TGFBR3L: variants seen among roughly 807,000 people sequenced by gnomAD.
The protein encoded by TGFBR3L is transforming growth factor-beta receptor type 3-like protein.
In TGFBR3L, 21 loss-of-function variants were observed where a neutral mutation model predicts 20.4. That is an observed-to-expected ratio of 1.03 (90% confidence interval 0.73 to 1.48). The LOEUF is 1.48. Ranked by LOEUF, TGFBR3L falls within the 40% of genes most tolerant of loss-of-function variation. The pLI is 0.00. For missense variants in TGFBR3L, 479 were observed against 498.0 expected (o/e 0.96, Z 0.36); for synonymous variants, 245 against 244.2 (o/e 1.00, Z -0.03).
At chr19:7,918,781 G>A (rs1983441511) in intron 5 of TGFBR3L, 136 bp from the exon 7 acceptor site, 2 of 397,250 alleles carry the variant, frequency 5.0e-6, no homozygotes, top group Non-Finnish European at 8.9e-6. Context: ...ACTAGGCGAG[G>A]AGAACTCAGC....
chr19:7,916,099 C>T lies in TGFBR3L; in HGVS notation c.-169C>T. 1.5e-6 allele frequency: 2 copies of T among 1,343,764 alleles called. No homozygotes were observed. Among genetic ancestry groups the T allele is most frequent in the African/African-American group, 3.0e-5 (2 of 67,512 alleles). 83.2% of individuals were successfully genotyped at this position (1,343,764 alleles called of 1,614,324 possible). A position where few individuals can be genotyped will look rare whatever the true frequency, so the allele number is the denominator to read the frequency against. On this transcript the variant is annotated 5_prime_UTR_variant, in exon 1 of 6. Coordinates refer to ENST00000565886, the MANE Select transcript of TGFBR3L (RefSeq NM_001195259.2). ...ACTTCACCCAGCCGGACCCCACCAT[C>T]GGGTGCTCCTCACCGCTTCTCTTCC...
chr19:7,917,823 C>A lies in TGFBR3L; in HGVS notation c.847C>A (p.Leu283Met). ...GGCAGCCTTCGTGCTGGGCGCCGCGCTGGCCGCCGGGCTGGGTCTCGTCTG... is the reference window on the plus strand; with the variant it reads ...GGCAGCCTTCGTGCTGGGCGCCGCGATGGCCGCCGGGCTGGGTCTCGTCTG... Residue 283 changes from leucine to methionine, a missense_variant, in exon 4 of 6, where the codon CTG becomes ATG. Transcript: ENST00000565886. 1 of 1,391,014 alleles carries A rather than the reference C, an allele frequency of 7.2e-7. No individual in the cohort carries two copies. Among genetic ancestry groups the A allele is most frequent in the East Asian group, 3.0e-5 (1 of 33,248 alleles). 86.2% of individuals were successfully genotyped at this position (1,391,014 alleles called of 1,614,324 possible).
rs954100908 is a variant in TGFBR3L at position 7,915,583 on chromosome 19, T to C, written c.-685T>C. ...GAGTTCCAGACCAGCCTGGGCAACATAGACCCCGTATGGCCGTGGTAGCGA... is the reference window on the plus strand; with the variant it reads ...GAGTTCCAGACCAGCCTGGGCAACACAGACCCCGTATGGCCGTGGTAGCGA... On this transcript the variant is annotated 5_prime_UTR_variant, in exon 1 of 6. Transcript: ENST00000565886. Among the ~76,000 whole-genome samples the C allele has an allele frequency of 7.9e-5, 12 of 152,026 alleles. No individual in the cohort carries two copies. The highest frequency in any genetic ancestry group is 2.1e-4 in the South Asian group (1 of 4,822).
At position 7,919,005 on chromosome 19, in the gene TGFBR3L, C is replaced by T. The variant is rs1340937002; in HGVS notation, c.*94C>T. The T allele has an allele frequency of 2.5e-6, 1 of 398,712 alleles. No individual in the cohort carries two copies. The highest frequency in any genetic ancestry group is 4.4e-6 in the Non-Finnish European group (1 of 226,204). 24.7% of individuals were successfully genotyped at this position (398,712 alleles called of 1,614,324 possible). Reference sequence around the variant, plus strand: ...CAGGACCGGACCCGCCTCCCTGGACCTCGGACCTGATGAGGCCACGACCCC... The same window carrying T: ...CAGGACCGGACCCGCCTCCCTGGACTTCGGACCTGATGAGGCCACGACCCC... On this transcript the variant is annotated 3_prime_UTR_variant, in exon 6 of 6. Coordinates refer to ENST00000565886, the MANE Select transcript of TGFBR3L (RefSeq NM_001195259.2).
rs1983367606 is a variant in TGFBR3L, at chr19:7,917,568, T to C, written c.693T>C (p.Pro231=). 1.7e-5 allele frequency: 25 copies of C among 1,501,922 alleles called. No individual in the cohort carries two copies. Among genetic ancestry groups the C allele is most frequent in the Non-Finnish European group, 2.1e-5 (24 of 1,129,694 alleles). The allele number at this position is 1,501,922 out of a possible 1,614,324, so 93.0% of individuals were successfully genotyped here. ...CCCACCTGCACACGCTGACGCAGCCTATCGTGGTCACCGTGCCGCGGCCGC... is the reference window on the plus strand; with the variant it reads ...CCCACCTGCACACGCTGACGCAGCCCATCGTGGTCACCGTGCCGCGGCCGC... Residue 231 remains proline, a synonymous_variant, in exon 3 of 6, where the codon CCT becomes CCC. Transcript: ENST00000565886.
At position 7,915,548 on chromosome 19, in the gene TGFBR3L, T is replaced by C. The variant is rs1983243919; in HGVS notation, c.-720T>C. ...AGAGAGGCTGAGGTGAGAGGATCGC[T>C]TGAAGCCAGGAGTTCCAGACCAGCC... On this transcript the variant is annotated 5_prime_UTR_variant, in exon 1 of 6. Coordinates refer to ENST00000565886, the MANE Select transcript of TGFBR3L (RefSeq NM_001195259.2). 6.6e-6 allele frequency among the ~76,000 whole-genome samples: 1 copy of C among 152,154 alleles called. No homozygotes were observed. Among genetic ancestry groups the C allele is most frequent in the Non-Finnish European group, 1.5e-5 (1 of 68,020 alleles).
chr19:7,916,387 G>T lies in TGFBR3L; in HGVS notation c.120G>T (p.Pro40=), dbSNP rs994363880. The change falls in exon 1 of 6, where the codon CCG becomes CCT. Residue 40 remains proline (P), a synonymous_variant. Coordinates refer to ENST00000565886, the MANE Select transcript of TGFBR3L (RefSeq NM_001195259.2). ...GCGCGCGTTTTCTCTCCTTTGGGCCGCCCTTCCCCGCCCCGCCAGCTCCCC... is the reference window on the plus strand; with the variant it reads ...GCGCGCGTTTTCTCTCCTTTGGGCCTCCCTTCCCCGCCCCGCCAGCTCCCC... 154 of 1,535,156 alleles carry T rather than the reference G, an allele frequency of 1.0e-4. No homozygotes were observed. Among genetic ancestry groups the T allele is most frequent in the Non-Finnish European group, 1.2e-4 (141 of 1,146,568 alleles).
rs1983245174 is a variant in TGFBR3L at position 7,915,583 on chromosome 19, TA to T, written c.-684del. Among the ~76,000 whole-genome samples, 1 of 152,026 alleles carries T rather than the reference TA, an allele frequency of 6.6e-6. No individual in the cohort carries two copies. Among genetic ancestry groups the T allele is most frequent in the Admixed American group, 6.6e-5 (1 of 15,262 alleles). ...GAGTTCCAGACCAGCCTGGGCAACA[TA>T]GACCCCGTATGGCCGTGGTAGCGAG... On this transcript the variant is annotated 5_prime_UTR_variant, in exon 1 of 6. Coordinates refer to ENST00000565886, the MANE Select transcript of TGFBR3L (RefSeq NM_001195259.2).
At position 7,916,413 on chromosome 19, in the gene TGFBR3L, C is replaced by A; in HGVS notation, c.146C>A (p.Pro49Gln). ...CCCTTCCCCGCCCCGCCAGCTCCCC[C>A]GTTCCCCGCGGCGCCCGGCCCCTGG... The change falls in exon 1 of 6, where the codon CCG becomes CAG. Residue 49 changes from proline to glutamine, a missense_variant. Pro to Gln is a moderately conservative substitution (Grantham distance 76). Coordinates refer to ENST00000565886, the MANE Select transcript of TGFBR3L (RefSeq NM_001195259.2). The A allele has an allele frequency of 6.5e-7, 1 of 1,534,966 alleles. No homozygotes were observed. Among genetic ancestry groups the A allele is most frequent in the Non-Finnish European group, 8.7e-7 (1 of 1,146,408 alleles).
rs1983206846 is a variant in TGFBR3L, at chr19:7,914,933, G to C, written c.-1335G>C. Among the ~76,000 whole-genome samples, 1 of 152,196 alleles carries C rather than the reference G, an allele frequency of 6.6e-6. No homozygotes were observed. Among genetic ancestry groups the C allele is most frequent in the African/African-American group, 2.4e-5 (1 of 41,442 alleles). On this transcript the variant is annotated 5_prime_UTR_variant, in exon 1 of 6. Coordinates refer to ENST00000565886, the MANE Select transcript of TGFBR3L (RefSeq NM_001195259.2). ...CCCAGCGGGCCACCTGGTATGTATG[G>C]GCAGGGAGGTGACGGGTCTGTCATG...
rs1376583753 is a variant in TGFBR3L, at chr19:7,918,456, G to C, written c.*5+327G>C. ...TCTCCATGTTGGTCAGGCTGGTCTC[G>C]CACACCCGACCTCAGGTGATCCTAC... On this transcript the variant is annotated intron_variant, in intron 5 of 5. Coordinates refer to ENST00000565886, the MANE Select transcript of TGFBR3L (RefSeq NM_001195259.2). 2.6e-5 allele frequency among the ~76,000 whole-genome samples: 4 copies of C among 152,152 alleles called. No homozygotes were observed. The South Asian group carries it at 6.2e-4, about 24-fold the overall frequency.
intron 5 of TGFBR3L, 101 bp downstream of exon 6, chr19:7,918,230 T>C (rs1252063188): frequency 8.0e-6 from 10 of 1,252,930 alleles, no homozygotes; most frequent in Non-Finnish European, 1.1e-5. Context: ...TTTGTTTGTT[T>C]GTTTGTTTGT....
Position 7,916,626 on chromosome 19 carries a change from C to T in TGFBR3L, c.281C>T (p.Ala94Val), listed in dbSNP as rs1983313921. 21 of 1,424,920 alleles carry T rather than the reference C, an allele frequency of 1.5e-5. No individual in the cohort carries two copies. The highest frequency in any genetic ancestry group is 1.7e-5 in the Non-Finnish European group (19 of 1,100,544). 88.3% of individuals were successfully genotyped at this position (1,424,920 alleles called of 1,614,324 possible). A position where few individuals can be genotyped will look rare whatever the true frequency, so the allele number is the denominator to read the frequency against. The change falls in exon 2 of 6, where the codon GCC (alanine) becomes GTC (valine). Residue 94 changes from alanine (A) to valine (V), a missense_variant. Ala to Val is a moderately conservative substitution (Grantham distance 64, BLOSUM62 0). Coordinates refer to ENST00000565886, the MANE Select transcript of TGFBR3L (RefSeq NM_001195259.2). Reference sequence around the variant, plus strand: ...GATGGCGCCTCCGTCCCCCAGGCGGCCTTGGCCCGTCCCTCCCCGCGCTGG... The same window carrying T: ...GATGGCGCCTCCGTCCCCCAGGCGGTCTTGGCCCGTCCCTCCCCGCGCTGG...
intron 2 of TGFBR3L, 46 bp from the exon 4 acceptor site, chr19:7,917,427 C>A: frequency 6.6e-7 from 1 of 1,510,514 alleles, no homozygotes; most frequent in Non-Finnish European, 8.8e-7. Flanking sequence ...GCCACGATCC[C>A]GGTGCCCTGA....
rs924869545 is a variant in TGFBR3L at position 7,917,851 on chromosome 19, C to A, written c.875C>A (p.Ala292Glu). The A allele has an allele frequency of 4.4e-6, 6 of 1,375,066 alleles. No homozygotes were observed. Among genetic ancestry groups the A allele is most frequent in the Non-Finnish European group, 4.7e-6 (5 of 1,072,274 alleles). The allele number at this position is 1,375,066 out of a possible 1,614,324, so 85.2% of individuals were successfully genotyped here. A position where few individuals can be genotyped will look rare whatever the true frequency, so the allele number is the denominator to read the frequency against. ...GCCGCCGGGCTGGGTCTCGTCTGTG[C>A]GCACTCAGGTACCGACGACCTCCGC... The change falls in exon 4 of 6, where the codon GCG becomes GAG. Residue 292 changes from alanine (A) to glutamate (E), a missense_variant. Ala to Glu is a moderately radical substitution (Grantham distance 107). Transcript: ENST00000565886.
intron 5 of TGFBR3L, among the ~76,000 whole-genome samples, chr19:7,918,460 A>G (rs2145157910): frequency 6.6e-6 from 1 of 152,074 alleles, no homozygotes; most frequent in Admixed American, 6.5e-5. Context: ...GGTCTCGCAC[A>G]CCCGACCTCA....
chr19:7,917,137 C>G, intron 2 of TGFBR3L, 195 bp downstream of exon 3: 2 of 967,132 alleles, frequency 2.1e-6, no homozygotes, highest in Non-Finnish European at 2.8e-6. Context: ...CCATGGACAG[C>G]TCTGGAATCC....
At position 7,915,594 on chromosome 19, in the gene TGFBR3L, TG is replaced by T; in HGVS notation, c.-672del. On this transcript the variant is annotated 5_prime_UTR_variant, in exon 1 of 6. Transcript: ENST00000565886. ...CAGCCTGGGCAACATAGACCCCGTA[TG>T]GCCGTGGTAGCGAGTGGCTGTGGTC... Among the ~76,000 whole-genome samples, 1 of 152,224 alleles carries T rather than the reference TG, an allele frequency of 6.6e-6. No homozygotes were observed. Among genetic ancestry groups the T allele is most frequent in the South Asian group, 2.1e-4 (1 of 4,826 alleles).
intron 5 of TGFBR3L, chr19:7,918,516 G>C (rs963892923): frequency 1.0e-5 from 3 of 293,438 alleles, no homozygotes; most frequent in Non-Finnish European, 1.9e-5. Context: ...GATTACAGGC[G>C]TGAGCCACTG....
Sources: allele counts gnomAD v4.1 joint callset (sites outside exome capture counted in the v4.1 genomes callset), GRCh38; gene constraint gnomAD v4.1.1; transcripts MANE v1.5; gene names NCBI Gene and HGNC (gene_info 2026-07-23, HGNC 2026-07-21).